Variants in STPG2 observed in about 807,000 individuals in gnomAD.
STPG2 encodes the protein sperm tail PG-rich repeat containing 2, also known as sperm-tail PG-rich repeat-containing protein 2.
In STPG2, 56 loss-of-function variants were observed where a neutral mutation model predicts 54.2. That is an observed-to-expected ratio of 1.03 (90% CI 0.83 to 1.29). STPG2 has a LOEUF of 1.29. Ranked by LOEUF, STPG2 falls within the 50% of genes most tolerant of loss-of-function variation. STPG2 has a pLI of 0.00. For synonymous variants in STPG2, 200 were observed against 181.8 expected (o/e 1.10, Z -0.81); for missense variants, 596 against 544.9 (o/e 1.09, Z -0.93).
intron 4 of STPG2, among the ~76,000 whole-genome samples, chr4:97,496,267 C>G (rs1042769314): frequency 6.6e-6 from 1 of 151,430 alleles, no homozygotes; most frequent in Non-Finnish European, 1.5e-5. Flanking sequence ...TGCTTTTTAG[C>G]GATTATAAGT....
At chr4:97,926,110 C>A (rs1470106138) in intron 8 of STPG2, among the ~76,000 whole-genome samples, 1 of 152,138 alleles carries the variant, frequency 6.6e-6, no homozygotes, top group Non-Finnish European at 1.5e-5. Flanking sequence ...CTAAATGTAT[C>A]TTTATGCATT....
At chr4:97,816,851 CCTTT>C (rs1282984756) in intron 9 of STPG2, among the ~76,000 whole-genome samples, 2 of 150,738 alleles carry the variant, frequency 1.3e-5, no homozygotes, top group South Asian at 2.1e-4. Context: ...CTTCCTCCTT[CCTTT>C]CTTTCTCTTT....
Position 98,136,850 on chromosome 4 carries a change from CAA to C in STPG2, c.110-2393_110-2392del, listed in dbSNP as rs200932146. On this transcript the variant is annotated intron_variant, in intron 1 of 10. Transcript: ENST00000295268. The stretch of plus-strand genomic sequence containing the variant: ...CCTAGGCAACCACTTAAAAATAAAA[CAA>C]GAGAGGTATAGCAAATAAGCCAATA... Among the ~76,000 whole-genome samples the C allele has an allele frequency of 5.1e-3, 774 of 151,234 alleles. 8 individuals are homozygous for C. Among genetic ancestry groups the C allele is most frequent in the African/African-American group, 0.017 (723 of 41,316 alleles).
chr4:97,493,115 C>T (rs1459126145), intron 4 of STPG2, among the ~76,000 whole-genome samples: 2 of 150,682 alleles, frequency 1.3e-5, no homozygotes, highest in East Asian at 2.0e-4. Flanking sequence ...CAGGATAGGC[C>T]ACCTAGAGAC....
chr4:97,901,102 A>G (rs1172233614), intron 8 of STPG2, among the ~76,000 whole-genome samples: 5 of 152,018 alleles, frequency 3.3e-5, no homozygotes, highest in Admixed American at 6.6e-5. Context: ...ACATAAGTAT[A>G]TGGAAGACTT....
chr4:97,493,790 T>C (rs556512185), intron 4 of STPG2, among the ~76,000 whole-genome samples: 90 of 151,730 alleles, frequency 5.9e-4, no homozygotes, highest in Admixed American at 1.3e-3. Context: ...AGCCAGTATT[T>C]GCTGAGATCA....
At chr4:98,096,623 G>A (rs1738867360) in intron 5 of STPG2, among the ~76,000 whole-genome samples, 2 of 152,052 alleles carry the variant, frequency 1.3e-5, no homozygotes, top group Middle Eastern at 3.4e-3. Flanking sequence ...ATAAAGATCA[G>A]AGTAGAAATA....
At chr4:97,819,993 G>T (rs1474122660) in intron 9 of STPG2, among the ~76,000 whole-genome samples, 1 of 151,776 alleles carries the variant, frequency 6.6e-6, no homozygotes, top group Admixed American at 6.6e-5. Context: ...TAAATTGAAG[G>T]TTTGTGGCAA....
At chr4:97,642,195 A>C in intron 10 of STPG2, among the ~76,000 whole-genome samples, 1 of 151,416 alleles carries the variant, frequency 6.6e-6, no homozygotes, top group East Asian at 1.9e-4. Flanking sequence ...AAATATAAAA[A>C]TAAAAATAAA....
intron 4 of STPG2, among the ~76,000 whole-genome samples, chr4:97,526,500 T>A (rs1028653440): frequency 1.3e-5 from 2 of 152,116 alleles, no homozygotes; most frequent in South Asian, 4.1e-4. Flanking sequence ...TCCGTTTATA[T>A]CCTATGTCCA....
chr4:97,867,616 A>T lies in STPG2; in HGVS notation c.1045-26684T>A, dbSNP rs377060378. Among the ~76,000 whole-genome samples, 4 of 152,158 alleles carry T rather than the reference A, an allele frequency of 2.6e-5. No homozygotes were observed. In the South Asian group the frequency reaches 6.2e-4, roughly 24 times the overall value. ...TAAAGCTACACATAACAGAAGCCTT[A>T]TTACAGTATTGACCAAACAGGAATT... On this transcript the variant is annotated intron_variant, in intron 8 of 10. Coordinates refer to ENST00000295268, the MANE Select transcript of STPG2 (RefSeq NM_174952.3).
chr4:97,696,163 T>C (rs1723565610), intron 10 of STPG2, among the ~76,000 whole-genome samples: 1 of 152,222 alleles, frequency 6.6e-6, no homozygotes, highest in South Asian at 2.1e-4. Flanking sequence ...GGCATAAAAA[T>C]AGGCACATAG....
At chr4:97,548,243 G>T (rs1241700387) in intron 4 of STPG2, among the ~76,000 whole-genome samples, 1 of 152,092 alleles carries the variant, frequency 6.6e-6, no homozygotes, top group African/African-American at 2.4e-5. Context: ...AGAGCTCTCT[G>T]GGAGATATCA....
In STPG2 at chr4:98,134,361, CA is replaced by C. The variant is rs1386458455; in HGVS notation, c.207del (p.Asn69LysfsTer41). ...EKAVPGPGHY[N>X]VSEAQKISRS... ...TATAAAGTTACCTGTGCTTCTGAAA[CA>C]TTATAGTGTCCTGGACCTGGAACAG... is the stretch of plus-strand genomic sequence containing the variant. On this transcript the variant is annotated frameshift_variant, in exon 2 of 11. Transcript: ENST00000295268. LOFTEE classifies it high-confidence loss of function. 5.8e-6 allele frequency: 9 copies of C among 1,552,902 alleles called. No homozygotes were observed. Among genetic ancestry groups the C allele is most frequent in the Non-Finnish European group, 7.8e-6 (9 of 1,146,822 alleles).
At chr4:97,526,655 G>A (rs1267780155) in intron 4 of STPG2, among the ~76,000 whole-genome samples, 1 of 151,898 alleles carries the variant, frequency 6.6e-6, no homozygotes, top group Admixed American at 6.6e-5. Flanking sequence ...AGTTTCTTTT[G>A]CTGTGCAGAA....
intron 4 of STPG2, among the ~76,000 whole-genome samples, chr4:97,500,094 C>A (rs1048082769): frequency 1.3e-5 from 2 of 151,868 alleles, no homozygotes; most frequent in African/African-American, 4.8e-5. Flanking sequence ...AGAACAGAAG[C>A]AAGGGGACCA....
intron 4 of STPG2, among the ~76,000 whole-genome samples, chr4:97,477,650 TTTTTTTTC>T (rs1730109632): frequency 6.6e-6 from 1 of 151,250 alleles, no homozygotes; most frequent in Non-Finnish European, 1.5e-5. Context: ...CTAATTTTTT[TTTTTTTTC>T]TTTTTGTATT....
chr4:97,474,924 T>C (rs1038592036), intron 4 of STPG2, among the ~76,000 whole-genome samples: 1 of 152,082 alleles, frequency 6.6e-6, no homozygotes, highest in African/African-American at 2.4e-5. Flanking sequence ...GTAGTATATA[T>C]AATTCTTTAA....
intron 4 of STPG2, among the ~76,000 whole-genome samples, chr4:97,444,351 A>G (rs1332548753): frequency 6.6e-6 from 1 of 152,166 alleles, no homozygotes; most frequent in Admixed American, 6.5e-5. Flanking sequence ...ATCTAAGAGG[A>G]TTAGAGTAAA....
Sources: gnomAD v4.1 joint callset for allele counts (sites outside exome capture counted in the v4.1 genomes callset) on GRCh38, gnomAD v4.1.1 for gene constraint, MANE v1.5 for transcripts, NCBI Gene and HGNC (gene_info 2026-07-23, HGNC 2026-07-21) for gene names.